NEK6: variants seen among roughly 807,000 people sequenced by gnomAD.
The protein encoded by NEK6 is serine/threonine-protein kinase Nek6.
NEK6 carries 27 observed loss-of-function variants against 43.5 expected under a neutral mutation model. The observed-to-expected ratio is 0.62, with a 90% CI of 0.46 to 0.86. The LOEUF is 0.86. Ranked by LOEUF, NEK6 falls within the 40% of genes least tolerant of loss-of-function variation. NEK6 has a pLI of 0.00. For missense variants in NEK6, 318 were observed against 414.4 expected (o/e 0.77, Z 2.02); for synonymous variants, 167 against 164.1 (o/e 1.02, Z -0.14).
chr9:124,293,051 C>A, intron 1 of NEK6: 1 of 1,456,572 alleles, frequency 6.9e-7, no homozygotes, highest in East Asian at 2.7e-5. Context: ...GCAGGGGTCT[C>A]TGGGATGGTG....
chr9:124,262,383 G>A (rs1243142785), intron 1 of NEK6, among the ~76,000 whole-genome samples: 2 of 152,246 alleles, frequency 1.3e-5, no homozygotes, highest in African/African-American at 4.8e-5. Flanking sequence ...TTCCTGTGAT[G>A]TTAACTTTGG....
chr9:124,304,448 T>C (rs180748187), intron 2 of NEK6, among the ~76,000 whole-genome samples: 30 of 152,260 alleles, frequency 2.0e-4, no homozygotes, highest in Admixed American at 1.9e-3. Flanking sequence ...GAAAGCAACC[T>C]CTCTGAGCCT....
At chr9:124,272,187 CT>C (rs1831467289) in intron 1 of NEK6, among the ~76,000 whole-genome samples, 1 of 152,244 alleles carries the variant, frequency 6.6e-6, no homozygotes, top group Non-Finnish European at 1.5e-5. Context: ...TTGGTGGCCC[CT>C]GTGACGCTCT....
chr9:124,295,092 G>A (rs908458115), intron 1 of NEK6, among the ~76,000 whole-genome samples: 2 of 152,222 alleles, frequency 1.3e-5, no homozygotes, highest in African/African-American at 2.4e-5. Context: ...CCCACCCTGG[G>A]GGAGGCCCCA....
chr9:124,329,980 C>A (rs1564652656), intron 7 of NEK6, among the ~76,000 whole-genome samples: 3 of 152,234 alleles, frequency 2.0e-5, no homozygotes, highest in African/African-American at 7.2e-5. Context: ...GTGGTGGCAG[C>A]CACGTTGCCC....
chr9:124,312,775 T>G, intron 3 of NEK6, 126 bp downstream of exon 3: 1 of 968,346 alleles, frequency 1.0e-6, no homozygotes, highest in Non-Finnish European at 1.5e-6. Context: ...CTCAACTCAC[T>G]GGGTTACAGA....
chr9:124,268,840 C>T (rs1831319105), intron 1 of NEK6, among the ~76,000 whole-genome samples: 1 of 152,154 alleles, frequency 6.6e-6, no homozygotes, highest in African/African-American at 2.4e-5. Context: ...CCCAAATGCA[C>T]AGAACTGCAG....
rs534557975 is a variant in NEK6, at chr9:124,313,994, C to T, written c.294+9C>T. 63 of 1,613,888 alleles carry T rather than the reference C, an allele frequency of 3.9e-5. No individual in the cohort carries two copies. The South Asian group carries it at 6.3e-4, about 16-fold the overall frequency. On this transcript the variant is annotated intron_variant, in intron 4 of 9. Transcript: ENST00000320246. ...AGATCGGCCTCTTGAAGGTGAGCAC[C>T]CTGGGCCGAGCGGGAGCTTTGCCTC...
At chr9:124,279,875 G>C (rs1452375244) in intron 1 of NEK6, among the ~76,000 whole-genome samples, 2 of 152,244 alleles carry the variant, frequency 1.3e-5, no homozygotes, top group Non-Finnish European at 2.9e-5. Flanking sequence ...ACCTGTGGGA[G>C]GGGAAGGCCT....
intron 7 of NEK6, among the ~76,000 whole-genome samples, chr9:124,332,088 G>A (rs1829025522): frequency 6.6e-6 from 1 of 152,244 alleles, no homozygotes; most frequent in African/African-American, 2.4e-5. Context: ...CAAGAGGGGA[G>A]GGAAGGAGAG....
chr9:124,307,878 G>A (rs1833336912), intron 2 of NEK6, among the ~76,000 whole-genome samples: 1 of 152,158 alleles, frequency 6.6e-6, no homozygotes, highest in African/African-American at 2.4e-5. Flanking sequence ...GGGTGGGAAC[G>A]GCAGGGTGAT....
At chr9:124,272,439 G>A (rs968534247) in intron 1 of NEK6, among the ~76,000 whole-genome samples, 2 of 152,234 alleles carry the variant, frequency 1.3e-5, no homozygotes, top group Non-Finnish European at 2.9e-5. Context: ...AGAGGTAGCT[G>A]GGACAGCGTG....
intron 1 of NEK6, among the ~76,000 whole-genome samples, chr9:124,298,525 G>A (rs1424521620): frequency 1.3e-5 from 2 of 151,940 alleles, no homozygotes; most frequent in East Asian, 3.9e-4. Context: ...GGAGGAAATG[G>A]GCCCTTGTGG....
intron 2 of NEK6, among the ~76,000 whole-genome samples, chr9:124,309,812 T>G (rs1182358937): frequency 6.6e-6 from 1 of 152,260 alleles, no homozygotes; most frequent in Non-Finnish European, 1.5e-5. Flanking sequence ...TGACGGCGTC[T>G]GAGTCACAGA....
intron 1 of NEK6, among the ~76,000 whole-genome samples, chr9:124,287,613 T>C (rs903965871): frequency 6.6e-6 from 1 of 152,150 alleles, no homozygotes; most frequent in Admixed American, 6.5e-5. Context: ...TCACCTGAGG[T>C]CAGGAGTTTG....
rs1316466910 is a variant in NEK6 at position 124,324,146 on chromosome 9, C to A, written c.406-2184C>A. Among the ~76,000 whole-genome samples the A allele has an allele frequency of 1.3e-5, 2 of 152,230 alleles. No individual in the cohort carries two copies. Among genetic ancestry groups the A allele is most frequent in the African/African-American group, 2.4e-5 (1 of 41,462 alleles). On this transcript the variant is annotated intron_variant, in intron 5 of 9. Coordinates refer to ENST00000320246, the MANE Select transcript of NEK6 (RefSeq NM_014397.6). This position sits in a 1 kb window ranked among gnomAD's most constrained non-coding sequence, Gnocchi z 5.3. Reference sequence around the variant, plus strand: ...CAGGGGAGGCCTGGCAGTGCAGAGACCCACTCGAGTAAGACACGTCCCCTG... The same window carrying A: ...CAGGGGAGGCCTGGCAGTGCAGAGAACCACTCGAGTAAGACACGTCCCCTG...
intron 5 of NEK6, 55 bp downstream of exon 5, chr9:124,321,624 G>T (rs1352553275): frequency 2.6e-6 from 3 of 1,175,454 alleles, no homozygotes; most frequent in Non-Finnish European, 3.8e-6. Context: ...GGAGCCAAAG[G>T]TGGCAGTCTT....
chr9:124,347,236 C>T lies in NEK6; in HGVS notation c.718-473C>T, dbSNP rs555486610. Reference sequence around the variant, plus strand: ...AGAACAGCCACAGTGAAATGCCTCACCCTTCTCCGGCCCACCCCACCCCAA... The same window carrying T: ...AGAACAGCCACAGTGAAATGCCTCATCCTTCTCCGGCCCACCCCACCCCAA... On this transcript the variant is annotated intron_variant, in intron 8 of 9. Coordinates refer to ENST00000320246, the MANE Select transcript of NEK6 (RefSeq NM_014397.6). Among the ~76,000 whole-genome samples, 47 of 152,366 alleles carry T rather than the reference C, an allele frequency of 3.1e-4. No homozygotes were observed. The South Asian group carries it at 9.7e-3, about 32-fold the overall frequency.
chr9:124,276,314 G>A (rs993775747), intron 1 of NEK6, among the ~76,000 whole-genome samples: 17 of 152,152 alleles, frequency 1.1e-4, no homozygotes, highest in Non-Finnish European at 2.4e-4. Context: ...GCAAGGGTGG[G>A]CTGGGGCCCT....
Sources: allele counts gnomAD v4.1 joint callset (sites outside exome capture counted in the v4.1 genomes callset), GRCh38; gene constraint gnomAD v4.1.1; non-coding constraint Gnocchi (gnomAD v3.1); transcripts MANE v1.5; gene names NCBI Gene and HGNC (gene_info 2026-07-23, HGNC 2026-07-21).